GABBR2: variants seen among roughly 807,000 people sequenced by gnomAD.
GABBR2 encodes the protein gamma-aminobutyric acid type B receptor subunit 2.
Under a neutral mutation model 105.6 loss-of-function variants are expected in GABBR2, and 23 were observed. The observed-to-expected ratio is 0.22, with a 90% CI of 0.16 to 0.31. GABBR2 has a LOEUF of 0.31. Among genes scored for constraint, GABBR2 ranks in the 10% least tolerant of loss-of-function variants. The pLI is 1.00. For missense variants in GABBR2, 734 were observed against 1,245.5 expected, an observed-to-expected ratio of 0.59 and a Z score of 6.18; for synonymous variants, 478 against 499.7, an observed-to-expected ratio of 0.96 and a Z score of 0.58.
chr9:98,346,828 G>T (rs1003223707), intron 13 of GABBR2, among the ~76,000 whole-genome samples: 20 of 151,980 alleles, frequency 1.3e-4, no homozygotes, highest in African/African-American at 4.6e-4. Flanking sequence ...AGAACACATG[G>T]TATTTATCTT....
At chr9:98,345,777 A>G (rs1002425717) in intron 13 of GABBR2, among the ~76,000 whole-genome samples, 2 of 152,260 alleles carry the variant, frequency 1.3e-5, no homozygotes, top group African/African-American at 4.8e-5. Context: ...AGGCTAATAT[A>G]CAAAAATCAC....
chr9:98,341,114 A>G (rs1831205439), intron 13 of GABBR2, among the ~76,000 whole-genome samples: 1 of 152,192 alleles, frequency 6.6e-6, no homozygotes, highest in Non-Finnish European at 1.5e-5. Context: ...TGTGCTGCCC[A>G]CAGACATAAG....
chr9:98,664,278 G>A (rs72760686), intron 1 of GABBR2, among the ~76,000 whole-genome samples: 4,254 of 152,292 alleles, frequency 0.028, 98 homozygotes, highest in South Asian at 0.05. Flanking sequence ...AAGAATAAAC[G>A]GCTAGTGATC....
At chr9:98,606,471 T>TC (rs965558866) in intron 1 of GABBR2, among the ~76,000 whole-genome samples, 5 of 133,334 alleles carry the variant, frequency 3.7e-5, no homozygotes, top group African/African-American at 1.3e-4. Context: ...GTGTCTATTA[T>TC]CTTTTTTTTT....
chr9:98,596,818 C>G (rs2131800752), intron 1 of GABBR2, among the ~76,000 whole-genome samples: 1 of 152,292 alleles, frequency 6.6e-6, no homozygotes, highest in East Asian at 1.9e-4. Context: ...CTGCAAGACC[C>G]CCTCCCCTTA....
At chr9:98,372,680 A>G (rs1243344948) in intron 11 of GABBR2, among the ~76,000 whole-genome samples, 1 of 152,176 alleles carries the variant, frequency 6.6e-6, no homozygotes, top group Non-Finnish European at 1.5e-5. Context: ...TGCCACCAAC[A>G]CATGTAGGAA....
chr9:98,377,035 C>G (rs890724934), intron 11 of GABBR2, among the ~76,000 whole-genome samples: 6 of 152,360 alleles, frequency 3.9e-5, no homozygotes, highest in African/African-American at 1.2e-4. Context: ...AGCTCCTGCC[C>G]CTGAAGCCAA....
chr9:98,302,377 T>A (rs1047037915), intron 16 of GABBR2, among the ~76,000 whole-genome samples: 2 of 152,144 alleles, frequency 1.3e-5, no homozygotes, highest in African/African-American at 4.8e-5. Context: ...GAGAACACCC[T>A]GGAGAGTGGG....
chr9:98,553,923 A>G (rs1564112697), intron 2 of GABBR2, among the ~76,000 whole-genome samples: 1 of 152,192 alleles, frequency 6.6e-6, no homozygotes, highest in African/African-American at 2.4e-5. Context: ...TTCCCAAAAC[A>G]TATTTACTTC....
chr9:98,499,160 T>A (rs1370177116), intron 3 of GABBR2, among the ~76,000 whole-genome samples: 7 of 152,264 alleles, frequency 4.6e-5, no homozygotes, highest in Non-Finnish European at 1.0e-4. Flanking sequence ...GTTGGAGTGA[T>A]CATTCCCAGG....
intron 1 of GABBR2, among the ~76,000 whole-genome samples, chr9:98,581,507 GAGGGAGGGAGGGAGAC>G (rs1277762592): frequency 1.0e-5 from 1 of 99,638 alleles, no homozygotes; most frequent in African/African-American, 3.5e-5. Flanking sequence ...GAGAGGGAGG[GAGGGAGGGAGGGAGAC>G]AGGGAGGGAG....
At chr9:98,678,477 T>C (rs974789857) in intron 1 of GABBR2, among the ~76,000 whole-genome samples, 2 of 152,170 alleles carry the variant, frequency 1.3e-5, no homozygotes, top group East Asian at 3.8e-4. Context: ...AATCTTGAGG[T>C]TGGTAATACA....
chr9:98,516,915 CAG>C (rs1827767151), intron 3 of GABBR2, among the ~76,000 whole-genome samples: 1 of 152,216 alleles, frequency 6.6e-6, no homozygotes, highest in East Asian at 1.9e-4. Context: ...GACACTGGTA[CAG>C]GAGGGAGGCC....
chr9:98,608,724 T>C (rs2131811589), intron 1 of GABBR2, among the ~76,000 whole-genome samples: 1 of 152,358 alleles, frequency 6.6e-6, no homozygotes, highest in South Asian at 2.1e-4. Flanking sequence ...TTTTGGATTC[T>C]TTAAATATAT....
intron 1 of GABBR2, among the ~76,000 whole-genome samples, chr9:98,698,591 C>A (rs1021749212): frequency 6.6e-6 from 1 of 152,036 alleles, no homozygotes; most frequent in Non-Finnish European, 1.5e-5. Context: ...CCTCCACCTC[C>A]CAGGTTCAAG....
chr9:98,668,403 T>C (rs2131859090), intron 1 of GABBR2, among the ~76,000 whole-genome samples: 1 of 152,358 alleles, frequency 6.6e-6, no homozygotes, highest in East Asian at 1.9e-4. Context: ...ATGGGTTTTT[T>C]TCACACTGAA....
chr9:98,660,015 A>G (rs1830237974), intron 1 of GABBR2, among the ~76,000 whole-genome samples: 1 of 152,194 alleles, frequency 6.6e-6, no homozygotes, highest in Non-Finnish European at 1.5e-5. Flanking sequence ...TGAAATCTGC[A>G]TTATATTATA....
chr9:98,463,457 G>C (rs1826462084), intron 6 of GABBR2, among the ~76,000 whole-genome samples: 1 of 152,122 alleles, frequency 6.6e-6, no homozygotes, highest in African/African-American at 2.4e-5. Flanking sequence ...CAGTTTTGAC[G>C]AACTAAGATG....
chr9:98,537,576 G>C (rs1828207348), intron 3 of GABBR2, among the ~76,000 whole-genome samples: 1 of 152,000 alleles, frequency 6.6e-6, no homozygotes, highest in African/African-American at 2.4e-5. Flanking sequence ...TGGGACTATA[G>C]GTGTGCACCA....
Sources: gnomAD v4.1 joint callset for allele counts (sites outside exome capture counted in the v4.1 genomes callset) on GRCh38, gnomAD v4.1.1 for gene constraint, MANE v1.5 for transcripts, NCBI Gene and HGNC (gene_info 2026-07-23, HGNC 2026-07-21) for gene names.